MX2: variants seen among roughly 807,000 people sequenced by gnomAD.
MX2 encodes interferon-induced GTP-binding protein Mx2.
Under a neutral mutation model 74.0 loss-of-function variants are expected in MX2, and 51 were observed. That is an observed-to-expected ratio of 0.69 (90% CI 0.55 to 0.87). The LOEUF (loss-of-function observed/expected upper bound fraction) is 0.87, where lower values mean the gene tolerates loss of function less well. Among genes scored for constraint, MX2 ranks in the 40% least tolerant of loss-of-function variants. MX2 has a pLI of 0.00. For missense variants in MX2, 832 were observed against 908.7 expected (o/e 0.92, Z 1.09); for synonymous variants, 369 against 339.3 (o/e 1.09, Z -0.96).
At position 41,380,277 on chromosome 21, in the gene MX2, T is replaced by G; in HGVS notation, c.577+126T>G. Reference sequence around the variant, plus strand: ...GCTCCTAGCCCCATGTGCTCCCACATGGGGCTGAACCCATTGCTGTCACCT... The same window carrying G: ...GCTCCTAGCCCCATGTGCTCCCACAGGGGGCTGAACCCATTGCTGTCACCT... On this transcript the variant is annotated intron_variant, in intron 4 of 13. Coordinates refer to ENST00000330714, the MANE Select transcript of MX2 (RefSeq NM_002463.2). The surrounding 1 kb of genome is among the most constrained non-coding windows in gnomAD (Gnocchi z 4.3). 7.5e-7 allele frequency: 1 copy of G among 1,336,636 alleles called. No homozygotes were observed. The highest frequency in any genetic ancestry group is 1.0e-6 in the Non-Finnish European group (1 of 974,636). The allele number at this position is 1,336,636 out of a possible 1,614,324, so 82.8% of individuals were successfully genotyped here.
Position 41,380,566 on chromosome 21 carries a change from G to A in MX2, c.577+415G>A. Among the ~76,000 whole-genome samples the A allele has an allele frequency of 6.6e-6, 1 of 152,144 alleles. No individual in the cohort carries two copies. On this transcript the variant is annotated intron_variant, in intron 4 of 13. Transcript: ENST00000330714. This position sits in a 1 kb window ranked among gnomAD's most constrained non-coding sequence, Gnocchi z 4.3. ...CGCCCCCTTTGGAAATGCTGCTGCA[G>A]GACCCCTGGTCCCACCCCAGGTGTC...
intron 6 of MX2, among the ~76,000 whole-genome samples, chr21:41,393,127 A>AG (rs1343243795): frequency 3.5e-5 from 5 of 141,968 alleles, no homozygotes; most frequent in South Asian, 2.2e-4. Context: ...AAAAAAAAAA[A>AG]AAAAGAAAGA....
chr21:41,405,561 C>T (rs1169772587), intron 12 of MX2, among the ~76,000 whole-genome samples: 6 of 152,114 alleles, frequency 3.9e-5, no homozygotes, highest in Non-Finnish European at 7.4e-5. Flanking sequence ...ACCCTCATGA[C>T]TAATTGCCTC....
intron 5 of MX2, among the ~76,000 whole-genome samples, chr21:41,387,480 C>T (rs755816172): frequency 7.9e-5 from 12 of 152,186 alleles, no homozygotes; most frequent in Non-Finnish European, 1.3e-4. Context: ...CAATTGATCA[C>T]TTTCTCCTTC....
intron 8 of MX2, 33 bp downstream of exon 8, chr21:41,397,724 A>G: frequency 1.9e-6 from 3 of 1,577,394 alleles, no homozygotes; most frequent in South Asian, 1.1e-5. Flanking sequence ...CAAGTCATCA[A>G]TACAGCATGC....
intron 10 of MX2, chr21:41,399,621 A>C: frequency 6.8e-6 from 2 of 294,472 alleles, no homozygotes; most frequent in Non-Finnish European, 1.3e-5. Flanking sequence ...GCTGGAGTGT[A>C]GTGGCGCAAT....
chr21:41,392,436 T>G (rs981215016), intron 6 of MX2, among the ~76,000 whole-genome samples: 13 of 152,242 alleles, frequency 8.5e-5, no homozygotes, highest in Non-Finnish European at 1.9e-4. Context: ...TGGGTGATTC[T>G]ACCTTATTTG....
At chr21:41,398,578 A>G (rs1436759451) in intron 8 of MX2, among the ~76,000 whole-genome samples, 1 of 152,230 alleles carries the variant, frequency 6.6e-6, no homozygotes, top group Non-Finnish European at 1.5e-5. Flanking sequence ...GACTTGGCCC[A>G]TGCTAAATTG....
intron 5 of MX2, among the ~76,000 whole-genome samples, chr21:41,383,124 C>A (rs1205327228): frequency 6.6e-6 from 1 of 152,116 alleles, no homozygotes; most frequent in Non-Finnish European, 1.5e-5. Context: ...TTTGGGAGGC[C>A]AAGGCAGGAG....
intron 5 of MX2, among the ~76,000 whole-genome samples, chr21:41,386,195 G>A (rs2089571381): frequency 8.1e-6 from 1 of 123,194 alleles, no homozygotes; most frequent in Non-Finnish European, 1.6e-5. Flanking sequence ...ACTACAGCCT[G>A]GGCAACAGAG....
intron 5 of MX2, chr21:41,389,691 C>G (rs1222961277): frequency 6.6e-6 from 1 of 152,168 alleles, no homozygotes; most frequent in African/African-American, 2.4e-5. Context: ...TCTGTGTTGT[C>G]AGCTCGGGCT....
At chr21:41,401,531 G>GTGAGGCTCTA in intron 10 of MX2, 1 of 155,350 alleles carries the variant, frequency 6.4e-6, no homozygotes, top group African/African-American at 2.4e-5. Context: ...ATACCACCAT[G>GTGAGGCTCTA]CCTGGCTCAT....
chr21:41,389,335 C>A (rs1288941719), intron 5 of MX2, among the ~76,000 whole-genome samples: 1 of 152,000 alleles, frequency 6.6e-6, no homozygotes, highest in African/African-American at 2.4e-5. Context: ...GGCAAGGTAG[C>A]AAGACCCTGT....
intron 4 of MX2, among the ~76,000 whole-genome samples, chr21:41,381,009 G>T (rs2145895072): frequency 6.6e-6 from 1 of 152,332 alleles, no homozygotes; most frequent in East Asian, 1.9e-4. Context: ...CAAACTCAGT[G>T]TCTGAGCGGG....
At chr21:41,370,815 A>G (rs372684348) in intron 1 of MX2, among the ~76,000 whole-genome samples, 11 of 152,218 alleles carry the variant, frequency 7.2e-5, no homozygotes, top group African/African-American at 2.7e-4. Flanking sequence ...GTCTGGGCAT[A>G]AGAATACTTA....
chr21:41,379,728 G>T (rs944154527), intron 3 of MX2, among the ~76,000 whole-genome samples: 17 of 152,214 alleles, frequency 1.1e-4, no homozygotes, highest in Non-Finnish European at 1.2e-4. Context: ...GTGTGGTGGG[G>T]GCTATGGCTG....
chr21:41,397,804 C>A, intron 8 of MX2, 113 bp downstream of exon 8: 1 of 829,824 alleles, frequency 1.2e-6, no homozygotes, highest in Non-Finnish European at 2.0e-6. Context: ...CAAACAAGTA[C>A]CCTCTGAACA....
At position 41,395,679 on chromosome 21, in the gene MX2, T is replaced by C. The variant is rs762912301; in HGVS notation, c.964T>C (p.Tyr322His). The stretch of plus-strand genomic sequence containing the variant: ...CCTCACGTACCCCCTCAAGAAGGGC[T>C]ACATGATTGTGAAGTGCCGGGGCCA... Reference protein sequence around the residue: ...RNLTYPLKKGYMIVKCRGQQE... With the variant: ...RNLTYPLKKGHMIVKCRGQQE... Residue 322 changes from tyrosine to histidine, a missense_variant, in exon 7 of 14, where the codon TAC becomes CAC. Tyr to His is a moderately conservative substitution (Grantham distance 83). Coordinates refer to ENST00000330714, the MANE Select transcript of MX2 (RefSeq NM_002463.2). The C allele has an allele frequency of 1.2e-6, 2 of 1,614,164 alleles. No individual in the cohort carries two copies. The highest frequency in any genetic ancestry group is 2.2e-5 in the East Asian group (1 of 44,886).
In MX2 at chr21:41,374,808, C is replaced by T. The variant is rs1043272005; in HGVS notation, c.-71-2028C>T. On this transcript the variant is annotated intron_variant, in intron 1 of 13. Coordinates refer to ENST00000330714, the MANE Select transcript of MX2 (RefSeq NM_002463.2). ...CCCCAGCACTCTGGCTGTGTGTAAA[C>T]CTTACCTCTTCTTCATGCCCTTCCT... Among the ~76,000 whole-genome samples, 3 of 152,190 alleles carry T rather than the reference C, an allele frequency of 2.0e-5. No individual in the cohort carries two copies. In the South Asian group the frequency reaches 6.2e-4, roughly 31 times the overall value.
Sources: allele counts gnomAD v4.1 joint callset (sites outside exome capture counted in the v4.1 genomes callset), GRCh38; gene constraint gnomAD v4.1.1; non-coding constraint Gnocchi (gnomAD v3.1); transcripts MANE v1.5; gene names NCBI Gene and HGNC (gene_info 2026-07-23, HGNC 2026-07-21).